ATP2C1: variants seen among roughly 807,000 people sequenced by gnomAD.
The protein encoded by ATP2C1 is ATPase secretory pathway Ca2+ transporting 1, also known as calcium-transporting ATPase type 2C member 1.
ATP2C1 carries 31 observed loss-of-function variants against 120.5 expected under a neutral mutation model. The observed-to-expected ratio is 0.26, with a 90% CI of 0.19 to 0.35. The LOEUF is 0.35. Ranked by LOEUF, ATP2C1 falls within the 10% of genes least tolerant of loss-of-function variation. The pLI, the probability that ATP2C1 is intolerant of heterozygous loss-of-function variation, is 1.00. For missense variants in ATP2C1, 731 were observed against 1,107.5 expected, an observed-to-expected ratio of 0.66 and a Z score of 4.83; for synonymous variants, 351 against 358.7, an observed-to-expected ratio of 0.98 and a Z score of 0.24.
chr3:130,938,804 T>C (rs1192269449), intron 6 of ATP2C1, among the ~76,000 whole-genome samples: 1 of 152,196 alleles, frequency 6.6e-6, no homozygotes, highest in Non-Finnish European at 1.5e-5. Context: ...GTGCCCTACT[T>C]CAGAAGGATT....
chr3:131,016,297 G>T (rs1234434228), exon 27 of ATP2C1: 1 of 1,613,956 alleles, frequency 6.2e-7, no homozygotes, highest in African/African-American at 1.3e-5. Flanking sequence ...TTGGAACTCT[G>T]CATACAACAT....
At chr3:130,914,769 T>C (rs1251241629) in intron 2 of ATP2C1, among the ~76,000 whole-genome samples, 2 of 152,234 alleles carry the variant, frequency 1.3e-5, no homozygotes, top group Admixed American at 6.5e-5. Context: ...CTTGCTTGAC[T>C]AAGATTTTGA....
At chr3:130,856,511 T>C (rs554088407) in intron 1 of ATP2C1, among the ~76,000 whole-genome samples, 24 of 152,334 alleles carry the variant, frequency 1.6e-4, no homozygotes, top group African/African-American at 5.8e-4. Flanking sequence ...GTCAGTAAGT[T>C]GGTTATATCT....
chr3:130,903,053 A>G (rs1217641189), intron 2 of ATP2C1, among the ~76,000 whole-genome samples: 1 of 152,032 alleles, frequency 6.6e-6, no homozygotes, highest in Non-Finnish European at 1.5e-5. Flanking sequence ...CTCTTACTAT[A>G]CATTATTTTC....
intron 8 of ATP2C1, among the ~76,000 whole-genome samples, chr3:130,950,767 A>G (rs2060337520): frequency 6.6e-6 from 1 of 152,028 alleles, no homozygotes; most frequent in Admixed American, 6.6e-5. Flanking sequence ...TGTCTGTTCC[A>G]CCAGACAAGG....
chr3:130,964,236 C>G, intron 13 of ATP2C1, 141 bp downstream of exon 13: 1 of 1,262,728 alleles, frequency 7.9e-7, no homozygotes, highest in Non-Finnish European at 1.1e-6. Flanking sequence ...ATGGTTTTAA[C>G]AACCAAAAAA....
downstream of ATP2C1, among the ~76,000 whole-genome samples, chr3:131,005,109 CTTTTTTT>C (rs35129703): frequency 5.4e-5 from 5 of 92,640 alleles, no homozygotes; most frequent in South Asian, 3.8e-4. Flanking sequence ...TTTGAATTGT[CTTTTTTT>C]TTTTTTTTTT....
intron 12 of ATP2C1, among the ~76,000 whole-genome samples, chr3:130,960,872 A>G (rs1482259526): frequency 6.6e-6 from 1 of 152,168 alleles, no homozygotes; most frequent in East Asian, 1.9e-4. Context: ...AGAAAGGAAG[A>G]TGATAATAGA....
chr3:130,997,099 G>C (rs1311712883), intron 24 of ATP2C1, among the ~76,000 whole-genome samples: 2 of 152,044 alleles, frequency 1.3e-5, no homozygotes, highest in African/African-American at 4.8e-5. Flanking sequence ...GGGTATAATG[G>C]AGAAATTTCT....
chr3:130,857,837 C>G (rs574765216), intron 1 of ATP2C1, among the ~76,000 whole-genome samples: 1 of 152,112 alleles, frequency 6.6e-6, no homozygotes, highest in Non-Finnish European at 1.5e-5. Flanking sequence ...ATGAGTCACA[C>G]GATCACAAGG....
chr3:130,939,719 T>C (rs2059813456), intron 6 of ATP2C1, among the ~76,000 whole-genome samples: 1 of 152,182 alleles, frequency 6.6e-6, no homozygotes, highest in South Asian at 2.1e-4. Flanking sequence ...ATTTTCCTTA[T>C]ATTTGTCACT....
At chr3:130,940,832 C>A in intron 7 of ATP2C1, 141 bp downstream of exon 7, 3 of 614,560 alleles carry the variant, frequency 4.9e-6, no homozygotes, top group East Asian at 3.5e-5. Flanking sequence ...TTCCTGGTCT[C>A]ATTAATGTAG....
chr3:130,924,084 A>G (rs1415635419), intron 2 of ATP2C1, among the ~76,000 whole-genome samples: 1 of 150,858 alleles, frequency 6.6e-6, no homozygotes, highest in East Asian at 1.9e-4. Flanking sequence ...GAGTATTTAG[A>G]TGTGAGGTAC....
At chr3:130,889,507 C>G (rs2069094607), upstream of ATP2C1, among the ~76,000 whole-genome samples, 1 of 152,082 alleles carries the variant, frequency 6.6e-6, no homozygotes, top group African/African-American at 2.4e-5. Context: ...TCTGGGTGTG[C>G]AATTTTATCT....
intron 20 of ATP2C1, among the ~76,000 whole-genome samples, chr3:130,985,525 C>T (rs559752209): frequency 4.6e-5 from 7 of 151,846 alleles, no homozygotes; most frequent in South Asian, 2.1e-4. Flanking sequence ...CCCAGCTACT[C>T]TAAGGAGGCT....
At chr3:130,883,945 C>CTTTTTTT (rs35365168) in intron 1 of ATP2C1, among the ~76,000 whole-genome samples, 12 of 122,434 alleles carry the variant, frequency 9.8e-5, no homozygotes, top group South Asian at 2.7e-4. Context: ...TTCTTTTCTT[C>CTTTTTTT]TTTTTTTTTT....
Position 130,956,101 on chromosome 3 carries a change from A to G in ATP2C1, c.757-3A>G. 6 of 1,602,020 alleles carry G rather than the reference A, an allele frequency of 3.7e-6. No homozygotes were observed. The highest frequency in any genetic ancestry group is 5.1e-6 in the Non-Finnish European group (6 of 1,169,502). On this transcript the variant is annotated splice_polypyrimidine_tract_variant and splice_region_variant and intron_variant, in intron 10 of 27. Coordinates refer to ENST00000510168, the MANE Select transcript of ATP2C1 (RefSeq NM_001378687.1). ...TGGTGACACTCTTCTTCAATTTATC[A>G]AGGCACCAAAAACCCCTCTGCAGAA...
chr3:131,003,650 C>T (rs1231116597), downstream of ATP2C1, among the ~76,000 whole-genome samples: 2 of 152,100 alleles, frequency 1.3e-5, no homozygotes, highest in Admixed American at 6.6e-5. Context: ...AACCATGAAA[C>T]CCGAAGACCC....
At chr3:130,929,231 A>G (rs554873945) in intron 2 of ATP2C1, among the ~76,000 whole-genome samples, 13 of 152,302 alleles carry the variant, frequency 8.5e-5, no homozygotes, top group African/African-American at 2.2e-4. Flanking sequence ...TAAACGTCCA[A>G]CTGTACTTTT....
Sources: allele counts gnomAD v4.1 joint callset (sites outside exome capture counted in the v4.1 genomes callset), GRCh38; gene constraint gnomAD v4.1.1; transcripts MANE v1.5; gene names NCBI Gene and HGNC (gene_info 2026-07-23, HGNC 2026-07-21).